PRDM12: variants seen among roughly 807,000 people sequenced by gnomAD.
The protein encoded by PRDM12 is PR domain zinc finger protein 12.
A neutral mutation model predicts 29.6 loss-of-function variants in PRDM12; 17 were observed. That is an observed-to-expected ratio of 0.57 (90% CI 0.39 to 0.86). The LOEUF (loss-of-function observed/expected upper bound fraction) is 0.86. Ranked by LOEUF, PRDM12 falls within the 40% of genes least tolerant of loss-of-function variation. The pLI, the probability that PRDM12 is intolerant of heterozygous loss-of-function variation, is 0.00. For missense variants in PRDM12, 422 were observed against 510.8 expected (o/e 0.83, Z 1.68); for synonymous variants, 231 against 225.8 (o/e 1.02, Z -0.21).
chr9:130,670,703 G>A (rs1338071300), intron 3 of PRDM12, among the ~76,000 whole-genome samples: 3 of 152,076 alleles, frequency 2.0e-5, no homozygotes, highest in Admixed American at 6.6e-5. Flanking sequence ...GCCTTCATAC[G>A]CTCTTTCCCA....
At chr9:130,672,891 C>T (rs1830802324) in intron 3 of PRDM12, among the ~76,000 whole-genome samples, 1 of 152,114 alleles carries the variant, frequency 6.6e-6, no homozygotes, top group African/African-American at 2.4e-5. Context: ...CTGTCATTTC[C>T]AATTTATAAT....
At chr9:130,672,154 G>A (rs1184141330) in intron 3 of PRDM12, among the ~76,000 whole-genome samples, 1 of 152,172 alleles carries the variant, frequency 6.6e-6, no homozygotes, top group Non-Finnish European at 1.5e-5. Flanking sequence ...CTAGCACATA[G>A]TAAGTGGCCA....
chr9:130,668,767 T>TTAC lies in PRDM12; in HGVS notation c.570+455_570+457dup, dbSNP rs199869102. Among the ~76,000 whole-genome samples the TTAC allele has an allele frequency of 0.023, 3,501 of 152,204 alleles. 138 individuals are homozygous for TTAC. Among genetic ancestry groups the TTAC allele is most frequent in the African/African-American group, 0.08 (3,318 of 41,498 alleles). On this transcript the variant is annotated intron_variant, in intron 3 of 4. Transcript: ENST00000253008. This position sits in a 1 kb window ranked among gnomAD's most constrained non-coding sequence, Gnocchi z 4.0. ...TTCTGCATGCATGGGCACCAGTGGC[T>TTAC]TACGGCTCATGACTCCAGACTCAGC...
At chr9:130,669,850 A>G (rs927835592) in intron 3 of PRDM12, among the ~76,000 whole-genome samples, 2 of 150,632 alleles carry the variant, frequency 1.3e-5, no homozygotes, top group African/African-American at 2.4e-5. Context: ...TAACCGGTAA[A>G]TATCACTTCC....
intron 3 of PRDM12, among the ~76,000 whole-genome samples, chr9:130,675,106 C>T (rs1168982900): frequency 6.6e-6 from 1 of 152,218 alleles, no homozygotes; most frequent in Admixed American, 6.5e-5. Context: ...TCTCAAACTC[C>T]TGACCTCAAG....
intron 3 of PRDM12, among the ~76,000 whole-genome samples, chr9:130,673,705 C>G (rs1224865479): frequency 8.7e-6 from 1 of 115,122 alleles, no homozygotes; most frequent in Non-Finnish European, 1.7e-5. Context: ...GAGTTTCACT[C>G]TTGTTGCCCA....
chr9:130,666,493 C>T (rs1830734050), intron 1 of PRDM12, 115 bp from the exon 2 acceptor site: 4 of 1,358,630 alleles, frequency 2.9e-6, no homozygotes, highest in African/African-American at 3.0e-5. Context: ...GATTTGGGGC[C>T]GACTTGGGTT....
chr9:130,664,889 G>T lies in PRDM12; in HGVS notation c.223+13G>T. ...TCCTTCTCCGGCGGTGAGTCCAGCCGTCGGAGCCCGGCGCAATCCCTCCTC... is the reference window on the plus strand; with the variant it reads ...TCCTTCTCCGGCGGTGAGTCCAGCCTTCGGAGCCCGGCGCAATCCCTCCTC... On this transcript the variant is annotated intron_variant, in intron 1 of 4. Transcript: ENST00000253008. This position sits in a 1 kb window ranked among gnomAD's most constrained non-coding sequence, Gnocchi z 6.4. 1 of 1,517,770 alleles carries T rather than the reference G, an allele frequency of 6.6e-7. No individual in the cohort carries two copies. Among genetic ancestry groups the T allele is most frequent in the Non-Finnish European group, 8.9e-7 (1 of 1,129,050 alleles). 94.0% of individuals were successfully genotyped at this position (1,517,770 alleles called of 1,614,324 possible).
chr9:130,681,367 G>C lies in PRDM12; in HGVS notation c.802G>C (p.Asp268His), dbSNP rs1830899133. ...LRSHMRIHTL[D>H]KPFVCRFCNR... is the part of the protein sequence containing the mutation. ...CTCGCACATGCGCATCCACACGCTG[G>C]ACAAGCCCTTCGTGTGCCGCTTCTG... is the stretch of plus-strand genomic sequence containing the variant. Residue 268 changes from aspartate to histidine, a missense_variant, in exon 5 of 5, where the codon GAC becomes CAC. Physicochemically the swap from Asp to His is moderately conservative, Grantham distance 81 (BLOSUM62 -1). Coordinates refer to ENST00000253008, the MANE Select transcript of PRDM12 (RefSeq NM_021619.3). This position sits in a 1 kb window ranked among gnomAD's most constrained non-coding sequence, Gnocchi z 8.1. 2 of 1,590,452 alleles carry C rather than the reference G, an allele frequency of 1.3e-6. No homozygotes were observed. Among genetic ancestry groups the C allele is most frequent in the African/African-American group, 2.7e-5 (2 of 73,294 alleles).
chr9:130,669,158 T>G (rs1324222817), intron 3 of PRDM12, among the ~76,000 whole-genome samples: 1 of 151,566 alleles, frequency 6.6e-6, no homozygotes, highest in Non-Finnish European at 1.5e-5. Flanking sequence ...AAACCCCGTC[T>G]CTACTAAAAA....
intron 2 of PRDM12, among the ~76,000 whole-genome samples, 193 bp from the exon 3 acceptor site, chr9:130,667,965 G>A (rs1830748945): frequency 6.6e-6 from 1 of 152,142 alleles, no homozygotes; most frequent in South Asian, 2.1e-4. Flanking sequence ...ATCCCCTGTG[G>A]GCCACTTCCA....
chr9:130,665,098 C>A (rs1051183150), intron 1 of PRDM12, among the ~76,000 whole-genome samples: 1 of 152,214 alleles, frequency 6.6e-6, no homozygotes, highest in East Asian at 1.9e-4. Context: ...CCGACCCCGG[C>A]GACCCCGTCG....
At position 130,664,838 on chromosome 9, in the gene PRDM12, C is replaced by T. The variant is rs1830716556; in HGVS notation, c.185C>T (p.Ala62Val). 1 of 1,551,006 alleles carries T rather than the reference C, an allele frequency of 6.4e-7. No homozygotes were observed. The highest frequency in any genetic ancestry group is 1.4e-5 in the African/African-American group (1 of 73,228). ...AGCCACCACGCCAGCCCCAAGACAG[C>T]CTTCACCGCCGAGGTGCTGGCGCAG... ...DKSHHASPKT[A>V]FTAEVLAQSF... Residue 62 changes from alanine to valine, a missense_variant, in exon 1 of 5, where the codon GCC becomes GTC. Ala to Val is a moderately conservative substitution (Grantham distance 64). Coordinates refer to ENST00000253008, the MANE Select transcript of PRDM12 (RefSeq NM_021619.3). This position sits in a 1 kb window ranked among gnomAD's most constrained non-coding sequence, Gnocchi z 6.4.
chr9:130,671,409 AC>A (rs1397111618), intron 3 of PRDM12, among the ~76,000 whole-genome samples: 85 of 151,802 alleles, frequency 5.6e-4, no homozygotes, highest in African/African-American at 2.0e-3. Flanking sequence ...ACACACACAC[AC>A]ACACACACTG....
rs1830734173 is a variant in PRDM12, at chr9:130,666,512, C to G, written c.224-96C>G. 8 of 1,476,958 alleles carry G rather than the reference C, an allele frequency of 5.4e-6. No homozygotes were observed. In the East Asian group the frequency reaches 2.0e-4, roughly 37 times the overall value. 91.5% of individuals were successfully genotyped at this position (1,476,958 alleles called of 1,614,324 possible). ...TGGGGCCGACTTGGGTTTGGCTGGT[C>G]TGGGCAGGACCGAAGCCGGGGTCCC... On this transcript the variant is annotated intron_variant, in intron 1 of 4. Transcript: ENST00000253008.
chr9:130,681,398 G>A lies in PRDM12; in HGVS notation c.833G>A (p.Arg278His). The change falls in exon 5 of 5, where the codon CGC becomes CAC. Residue 278 changes from arginine to histidine, a missense_variant. Transcript: ENST00000253008. The surrounding 1 kb of genome is among the most constrained non-coding windows in gnomAD (Gnocchi z 8.1). ...DKPFVCRFCN[R>H]RFSQSSTLRN... ...CCCTTCGTGTGCCGCTTCTGCAACCGCCGCTTCAGCCAGTCGTCCACGCTG... is the reference window on the plus strand; with the variant it reads ...CCCTTCGTGTGCCGCTTCTGCAACCACCGCTTCAGCCAGTCGTCCACGCTG... The A allele has an allele frequency of 6.3e-7, 1 of 1,596,664 alleles. No homozygotes were observed. The highest frequency in any genetic ancestry group is 1.4e-5 in the African/African-American group (1 of 73,836).
rs1258526717 is a variant in PRDM12 at position 130,681,574 on chromosome 9, C to T, written c.1009C>T (p.Leu337=). 8.4e-6 allele frequency: 10 copies of T among 1,196,042 alleles called. No homozygotes were observed. Among genetic ancestry groups the T allele is most frequent in the Non-Finnish European group, 2.1e-6 (2 of 964,826 alleles). 74.1% of individuals were successfully genotyped at this position (1,196,042 alleles called of 1,614,324 possible). ...STALQAHSPA[L]PAPHAHAPAL... is the part of the protein sequence containing the mutation. ...CGCGCTGCAGGCACACTCGCCCGCGCTGCCCGCCCCGCACGCGCACGCGCC... is the reference window on the plus strand; with the variant it reads ...CGCGCTGCAGGCACACTCGCCCGCGTTGCCCGCCCCGCACGCGCACGCGCC... Residue 337 remains leucine (L), a synonymous_variant, in exon 5 of 5, where the codon CTG becomes TTG. Coordinates refer to ENST00000253008, the MANE Select transcript of PRDM12 (RefSeq NM_021619.3). The surrounding 1 kb of genome is among the most constrained non-coding windows in gnomAD (Gnocchi z 8.1).
chr9:130,681,384 C>A lies in PRDM12; in HGVS notation c.819C>A (p.Cys273Ter), dbSNP rs773535176. 1.3e-6 allele frequency: 2 copies of A among 1,593,370 alleles called. No individual in the cohort carries two copies. The highest frequency in any genetic ancestry group is 1.7e-5 in the Admixed American group (1 of 59,098). The change falls in exon 5 of 5, where the codon TGC (cysteine) becomes TGA (stop). Residue 273 changes from cysteine to a stop codon, truncating the protein, a stop_gained. Coordinates refer to ENST00000253008, the MANE Select transcript of PRDM12 (RefSeq NM_021619.3). LOFTEE classifies it high-confidence loss of function. This position sits in a 1 kb window ranked among gnomAD's most constrained non-coding sequence, Gnocchi z 8.1. ...ACACGCTGGACAAGCCCTTCGTGTG[C>A]CGCTTCTGCAACCGCCGCTTCAGCC... ...RIHTLDKPFV[C>*]RFCNRRFSQS... is the part of the protein sequence containing the mutation.
intron 2 of PRDM12, among the ~76,000 whole-genome samples, chr9:130,667,531 G>GC (rs5900904): frequency 0.55 from 82,732 of 151,016 alleles, 23,427 homozygotes; most frequent in East Asian, 0.96. Flanking sequence ...CCCCACTCCA[G>GC]CTCCCCCCGG....
Sources: allele counts gnomAD v4.1 joint callset (sites outside exome capture counted in the v4.1 genomes callset), GRCh38; gene constraint gnomAD v4.1.1; non-coding constraint Gnocchi (gnomAD v3.1); transcripts MANE v1.5; gene names NCBI Gene and HGNC (gene_info 2026-07-23, HGNC 2026-07-21).